SPATS2L: variants seen among roughly 807,000 people sequenced by gnomAD.
SPATS2L encodes spermatogenesis associated serine rich 2 like, also known as SPATS2-like protein.
SPATS2L carries 30 observed loss-of-function variants against 59.6 expected under a neutral mutation model. The ratio of observed to expected loss-of-function variants is 0.50; its 90% CI spans 0.38 to 0.68. SPATS2L has a LOEUF of 0.68. Among genes scored for constraint, SPATS2L ranks in the 30% least tolerant of loss-of-function variants. The pLI, the probability that SPATS2L is intolerant of heterozygous loss-of-function variation, is 0.00. For synonymous variants in SPATS2L, 252 were observed against 263.5 expected, an observed-to-expected ratio of 0.96 and a Z score of 0.42; for missense variants, 615 against 700.0, an observed-to-expected ratio of 0.88 and a Z score of 1.37.
At chr2:200,327,974 G>A (rs1364833328) in intron 1 of SPATS2L, among the ~76,000 whole-genome samples, 4 of 152,094 alleles carry the variant, frequency 2.6e-5, no homozygotes, top group Admixed American at 2.0e-4. Flanking sequence ...TTGTCACTTC[G>A]GTTTGTTGCA....
chr2:200,459,905 C>A lies in SPATS2L; in HGVS notation c.847+78C>A, dbSNP rs960734562. On this transcript the variant is annotated intron_variant, in intron 9 of 12. Coordinates refer to ENST00000409140, the MANE Select transcript of SPATS2L (RefSeq NM_001100423.2). ...TCCATAGGTCAGACTGACAATGATA[C>A]CGGCTTCTGAACAGGGTCCTAAAAT... 1.5e-5 allele frequency: 16 copies of A among 1,089,128 alleles called. No individual in the cohort carries two copies. In the African/African-American group the frequency reaches 2.2e-4, roughly 15 times the overall value. The allele number at this position is 1,089,128 out of a possible 1,614,324, so 67.5% of individuals were successfully genotyped here. A position where few individuals can be genotyped will look rare whatever the true frequency, so the allele number is the denominator to read the frequency against.
chr2:200,345,315 G>T (rs1433381376), intron 2 of SPATS2L, among the ~76,000 whole-genome samples: 6 of 152,138 alleles, frequency 3.9e-5, no homozygotes, highest in Middle Eastern at 3.4e-3. Flanking sequence ...AGCAACAAAG[G>T]TTATTTTAAT....
chr2:200,366,201 G>C (rs975582866), intron 2 of SPATS2L, among the ~76,000 whole-genome samples: 1 of 152,160 alleles, frequency 6.6e-6, no homozygotes, highest in African/African-American at 2.4e-5. Context: ...TACAAGTTAG[G>C]TGGATTGCCT....
At chr2:200,341,980 G>A (rs113465687) in intron 2 of SPATS2L, among the ~76,000 whole-genome samples, 6 of 152,046 alleles carry the variant, frequency 3.9e-5, no homozygotes, top group African/African-American at 1.4e-4. Flanking sequence ...GAGCCACCGC[G>A]CCCGGCCAAC....
At chr2:200,308,932 A>G (rs542217853) in intron 1 of SPATS2L, 2 of 658,426 alleles carry the variant, frequency 3.0e-6, no homozygotes, top group South Asian at 3.4e-5. Flanking sequence ...TTCTGCATGC[A>G]CTGATTTTCC....
chr2:200,401,422 C>T (rs1462057151), intron 3 of SPATS2L, among the ~76,000 whole-genome samples: 2 of 152,108 alleles, frequency 1.3e-5, no homozygotes, highest in Admixed American at 1.3e-4. Context: ...AGAGAGAGAG[C>T]GTGCCCTCTC....
chr2:200,480,584 T>C lies in SPATS2L; in HGVS notation c.*2553T>C, dbSNP rs1050346160. ...CGAGGTCTCACTATGGTGCCCAGAC[T>C]GGTCTCGAACTCCGGAGCTCAAGTG... is the stretch of plus-strand genomic sequence containing the variant. On this transcript the variant is annotated 3_prime_UTR_variant, in exon 13 of 13. Coordinates refer to ENST00000409140, the MANE Select transcript of SPATS2L (RefSeq NM_001100423.2). 2.6e-5 allele frequency: 4 copies of C among 152,412 alleles called. 1 individual carries two copies. Among genetic ancestry groups the C allele is most frequent in the Admixed American group, 2.6e-4 (4 of 15,270 alleles). The allele number at this position is 152,412 out of a possible 1,614,324, so 9.4% of individuals were successfully genotyped here.
intron 2 of SPATS2L, chr2:200,372,291 A>C: frequency 1.4e-6 from 1 of 720,048 alleles, no homozygotes; most frequent in Non-Finnish European, 1.7e-6. Context: ...TTCAATGGCC[A>C]GCCAGCTTCT....
chr2:200,459,752 T>C lies in SPATS2L; in HGVS notation c.789-17T>C. Reference sequence around the variant, plus strand: ...TAAGCATTCTTTGCTTTTGTTTTTGTTTTTGTTTTTCCCCAGCATCATTGA... The same window carrying C: ...TAAGCATTCTTTGCTTTTGTTTTTGCTTTTGTTTTTCCCCAGCATCATTGA... On this transcript the variant is annotated splice_polypyrimidine_tract_variant and intron_variant, in intron 8 of 12. Transcript: ENST00000409140. 1 of 1,604,754 alleles carries C rather than the reference T, an allele frequency of 6.2e-7. No homozygotes were observed. Among genetic ancestry groups the C allele is most frequent in the Non-Finnish European group, 8.5e-7 (1 of 1,174,408 alleles).
At chr2:200,442,803 G>T (rs924897510) in intron 8 of SPATS2L, among the ~76,000 whole-genome samples, 8 of 152,152 alleles carry the variant, frequency 5.3e-5, no homozygotes, top group African/African-American at 1.9e-4. Flanking sequence ...AGCTGAAAGC[G>T]TGGGGCCAGG....
intron 10 of SPATS2L, among the ~76,000 whole-genome samples, chr2:200,469,386 A>C (rs1012253475): frequency 2.0e-5 from 3 of 152,182 alleles, no homozygotes; most frequent in African/African-American, 7.2e-5. Flanking sequence ...CACAGATCTT[A>C]ATTTTAAATG....
At chr2:200,425,073 A>G (rs2083480556) in intron 6 of SPATS2L, among the ~76,000 whole-genome samples, 1 of 150,168 alleles carries the variant, frequency 6.7e-6, no homozygotes. Flanking sequence ...CCTCAAGTGA[A>G]CTGAACCAAA....
At chr2:200,377,331 G>A (rs947173533) in intron 2 of SPATS2L, among the ~76,000 whole-genome samples, 1 of 152,144 alleles carries the variant, frequency 6.6e-6, no homozygotes, top group Non-Finnish European at 1.5e-5. Context: ...CAGAAAATAG[G>A]CAGTGTTTAC....
intron 2 of SPATS2L, among the ~76,000 whole-genome samples, chr2:200,349,629 C>T (rs1239767466): frequency 2.6e-5 from 4 of 152,192 alleles, no homozygotes; most frequent in Admixed American, 2.0e-4. Context: ...CAGAGCAAGA[C>T]TTCGTCTCAG....
intron 8 of SPATS2L, among the ~76,000 whole-genome samples, chr2:200,454,795 G>A (rs541268030): frequency 1.3e-5 from 2 of 152,316 alleles, no homozygotes; most frequent in South Asian, 4.1e-4. Context: ...CACGTTTGAC[G>A]TGCCTGGTGC....
chr2:200,378,010 T>G (rs1056298999), intron 2 of SPATS2L: 2 of 153,358 alleles, frequency 1.3e-5, no homozygotes, highest in African/African-American at 4.8e-5. Context: ...GTCTTAGAGC[T>G]ATACCTTCCC....
chr2:200,366,774 A>C (rs560394714), intron 2 of SPATS2L, among the ~76,000 whole-genome samples: 60 of 152,346 alleles, frequency 3.9e-4, no homozygotes, highest in African/African-American at 1.4e-3. Flanking sequence ...ATTGTATTGG[A>C]GGCTTACAGA....
chr2:200,423,238 A>T (rs1475029777), intron 6 of SPATS2L, among the ~76,000 whole-genome samples: 1 of 152,182 alleles, frequency 6.6e-6, no homozygotes, highest in East Asian at 1.9e-4. Flanking sequence ...TTGTAGTTAG[A>T]TTTTCCTGCC....
chr2:200,319,965 A>T (rs1194635394), intron 1 of SPATS2L, among the ~76,000 whole-genome samples: 1 of 152,122 alleles, frequency 6.6e-6, no homozygotes, highest in Non-Finnish European at 1.5e-5. Flanking sequence ...TATATTAATG[A>T]TGTTAGACTC....
Sources: allele counts gnomAD v4.1 joint callset (sites outside exome capture counted in the v4.1 genomes callset), GRCh38; gene constraint gnomAD v4.1.1; transcripts MANE v1.5; gene names NCBI Gene and HGNC (gene_info 2026-07-23, HGNC 2026-07-21).